KCNMA1: variants seen among roughly 807,000 people sequenced by gnomAD.
KCNMA1 encodes the protein Calcium-activated potassium channel subunit alpha-1.
Under a neutral mutation model 140.0 loss-of-function variants are expected in KCNMA1, and 29 were observed. The observed-to-expected ratio is 0.21, with a 90% CI of 0.15 to 0.28. KCNMA1 has a LOEUF of 0.28. KCNMA1 is among the 10% of genes least tolerant of loss of function. The pLI, the probability that KCNMA1 is intolerant of heterozygous loss-of-function variation, is 1.00. For missense variants in KCNMA1, 880 were observed against 1,602.2 expected, an observed-to-expected ratio of 0.55 and a Z score of 7.70; for synonymous variants, 612 against 611.9, an observed-to-expected ratio of 1.00 and a Z score of 0.00.
At chr10:77,558,000 A>T (rs1396294585) in intron 1 of KCNMA1, among the ~76,000 whole-genome samples, 1 of 152,332 alleles carries the variant, frequency 6.6e-6, no homozygotes, top group Non-Finnish European at 1.5e-5. Context: ...TTTGGTATAC[A>T]TATTCTAAGA....
In KCNMA1 at chr10:77,012,040, T is replaced by G. The variant is rs1266870482; in HGVS notation, c.2019A>C (p.Ala673=). 1 of 1,613,786 alleles carries G rather than the reference T, an allele frequency of 6.2e-7. No individual in the cohort carries two copies. The highest frequency in any genetic ancestry group is 1.1e-5 in the South Asian group (1 of 91,074). The part of the protein sequence containing the change: ...IASDAKEVKR[A]FFYCKACHDD... ...CATGACAGGCCTTGCAGTAAAAAAA[T>G]GCCCTGGAGAAAGAGAATGGAAAAA... is the stretch of plus-strand genomic sequence containing the variant. Residue 673 remains alanine, a synonymous_variant, in exon 18 of 28, where the codon GCA becomes GCC. Coordinates refer to ENST00000286628, the MANE Select transcript of KCNMA1 (RefSeq NM_001161352.2).
At chr10:77,471,840 C>T (rs375391131) in intron 1 of KCNMA1, among the ~76,000 whole-genome samples, 109 of 151,918 alleles carry the variant, frequency 7.2e-4, no homozygotes, top group African/African-American at 2.3e-3. Flanking sequence ...TTATACACAA[C>T]GCATGTACAC....
chr10:77,614,617 T>G (rs1190936424), intron 1 of KCNMA1, among the ~76,000 whole-genome samples: 1 of 152,146 alleles, frequency 6.6e-6, no homozygotes, highest in African/African-American at 2.4e-5. Context: ...TAGGTGGAAC[T>G]TTCTCTGTGG....
At position 76,885,711 on chromosome 10, in the gene KCNMA1, GA is replaced by G. The variant is rs1425943949; in HGVS notation, c.*1554del. The G allele has an allele frequency of 4.1e-6, 4 of 985,220 alleles. No homozygotes were observed. The East Asian group carries it at 3.4e-4, about 84-fold the overall frequency. 61.0% of individuals were successfully genotyped at this position (985,220 alleles called of 1,614,324 possible). A position where few individuals can be genotyped will look rare whatever the true frequency, so the allele number is the denominator to read the frequency against. On this transcript the variant is annotated 3_prime_UTR_variant, in exon 28 of 28. Coordinates refer to ENST00000286628, the MANE Select transcript of KCNMA1 (RefSeq NM_001161352.2). ...ATCCATAAGGGAAATTGGTTATGGTGAATTGGCCAGTTTTTAAGAAATACCG... is the reference window on the plus strand; with the variant it reads ...ATCCATAAGGGAAATTGGTTATGGTGATTGGCCAGTTTTTAAGAAATACCG...
chr10:77,382,865 C>CAAAAAA (rs767673552), intron 2 of KCNMA1, among the ~76,000 whole-genome samples: 2 of 47,604 alleles, frequency 4.2e-5, no homozygotes, highest in Non-Finnish European at 6.3e-5. Flanking sequence ...AGCTCCGTCT[C>CAAAAAA]AAAAAAAAAA....
At chr10:77,466,603 A>G (rs879220650) in intron 1 of KCNMA1, among the ~76,000 whole-genome samples, 1 of 152,248 alleles carries the variant, frequency 6.6e-6, no homozygotes, top group Admixed American at 6.5e-5. Context: ...ACTACAAGAA[A>G]TGAGTTCACT....
chr10:77,305,163 G>A (rs1268003107), intron 2 of KCNMA1, among the ~76,000 whole-genome samples: 1 of 152,158 alleles, frequency 6.6e-6, no homozygotes, highest in Non-Finnish European at 1.5e-5. Flanking sequence ...TTTGGGACCA[G>A]AGAGGCTAAC....
At chr10:77,605,100 C>G (rs1021124522) in intron 1 of KCNMA1, among the ~76,000 whole-genome samples, 1 of 152,268 alleles carries the variant, frequency 6.6e-6, no homozygotes, top group East Asian at 1.9e-4. Context: ...AGCCAGCTGC[C>G]GGGCTTTCCA....
In KCNMA1 at chr10:77,633,885, G is replaced by A. The variant is rs191606049; in HGVS notation, c.378+3380C>T. 3.9e-3 allele frequency among the ~76,000 whole-genome samples: 594 copies of A among 152,268 alleles called. 6 individuals are homozygous for A. The highest frequency in any genetic ancestry group is 0.014 in the African/African-American group (571 of 41,520). ...AGAAGTAGACCACATGCTGGAAGAC[G>A]AGCAGAAGATGGAAATAAAGATATG... On this transcript the variant is annotated intron_variant, in intron 1 of 27. Transcript: ENST00000286628.
At chr10:77,215,784 T>C (rs1045858047) in intron 3 of KCNMA1, among the ~76,000 whole-genome samples, 6 of 152,114 alleles carry the variant, frequency 3.9e-5, no homozygotes, top group Non-Finnish European at 8.8e-5. Context: ...TTAGGTCTAA[T>C]GAGGTCATCA....
intron 14 of KCNMA1, among the ~76,000 whole-genome samples, chr10:77,048,283 G>A (rs1464232042): frequency 2.0e-5 from 3 of 152,130 alleles, no homozygotes; most frequent in East Asian, 1.9e-4. Context: ...AACTCGTCAC[G>A]GATGAGTATC....
In KCNMA1 at chr10:77,498,850, A is replaced by C. The variant is rs1251471712; in HGVS notation, c.379-94827T>G. 3.9e-5 allele frequency: 6 copies of C among 152,128 alleles called. 1 individual carries two copies. Among genetic ancestry groups the C allele is most frequent in the African/African-American group, 1.4e-4 (6 of 41,434 alleles). 9.4% of individuals were successfully genotyped at this position (152,128 alleles called of 1,614,324 possible). On this transcript the variant is annotated intron_variant, in intron 1 of 27. Transcript: ENST00000286628. ...TTGAAAAAAAAAAGGACTGGGTGGG[A>C]AAGTGCCATTATCATCATGGCCAAG...
At position 76,884,937 on chromosome 10, in the gene KCNMA1, G is replaced by A. The variant is rs2036188515; in HGVS notation, c.*2329C>T. Reference sequence around the variant, plus strand: ...AAGTTTTCACAAGGACAACGTTATAGAAGAAAACCCCCAGCAGTGGCTAGG... The same window carrying A: ...AAGTTTTCACAAGGACAACGTTATAAAAGAAAACCCCCAGCAGTGGCTAGG... On this transcript the variant is annotated 3_prime_UTR_variant, in exon 28 of 28. Transcript: ENST00000286628. The A allele has an allele frequency of 6.6e-7, 1 of 1,517,294 alleles. No individual in the cohort carries two copies. Among genetic ancestry groups the A allele is most frequent in the African/African-American group, 1.4e-5 (1 of 71,284 alleles). The allele number at this position is 1,517,294 out of a possible 1,614,324, so 94.0% of individuals were successfully genotyped here.
chr10:77,495,580 A>T (rs1016551449), intron 1 of KCNMA1, among the ~76,000 whole-genome samples: 2 of 152,204 alleles, frequency 1.3e-5, no homozygotes, highest in African/African-American at 4.8e-5. Context: ...TGAAAGGGAG[A>T]AAAAACGAAC....
intron 1 of KCNMA1, among the ~76,000 whole-genome samples, chr10:77,517,114 T>C (rs2050823148): frequency 6.6e-6 from 1 of 152,102 alleles, no homozygotes; most frequent in African/African-American, 2.4e-5. Context: ...TGGTGCTTTT[T>C]CTCCCTGATG....
intron 1 of KCNMA1, among the ~76,000 whole-genome samples, chr10:77,562,565 T>G (rs958261527): frequency 1.1e-3 from 172 of 152,362 alleles, no homozygotes; most frequent in African/African-American, 4.0e-3. Context: ...TCCAGATCTT[T>G]TTTTAATGAA....
chr10:77,193,623 G>A (rs2039394063), intron 3 of KCNMA1, among the ~76,000 whole-genome samples: 1 of 152,186 alleles, frequency 6.6e-6, no homozygotes, highest in African/African-American at 2.4e-5. Flanking sequence ...GCCATGTATA[G>A]GTATGGAGTG....
At chr10:77,059,490 G>A (rs138703047) in intron 14 of KCNMA1, among the ~76,000 whole-genome samples, 21 of 152,110 alleles carry the variant, frequency 1.4e-4, no homozygotes, top group African/African-American at 5.1e-4. Flanking sequence ...ACATGTATAA[G>A]AAATAATCAC....
At chr10:77,607,461 A>G (rs887080970) in intron 1 of KCNMA1, among the ~76,000 whole-genome samples, 4 of 152,196 alleles carry the variant, frequency 2.6e-5, no homozygotes, top group Admixed American at 2.0e-4. Context: ...GGGACTCTAC[A>G]GACATAATTT....
Sources: gnomAD v4.1 joint callset for allele counts (sites outside exome capture counted in the v4.1 genomes callset) on GRCh38, gnomAD v4.1.1 for gene constraint, MANE v1.5 for transcripts, NCBI Gene and HGNC (gene_info 2026-07-23, HGNC 2026-07-21) for gene names.